The following DAB1 variants were observed in gnomAD, a reference collection of about 807,000 sequenced individuals.
The protein encoded by DAB1 is disabled homolog 1.
Under a neutral mutation model 64.6 loss-of-function variants are expected in DAB1, and 15 were observed. That is an observed-to-expected ratio of 0.23 (90% CI 0.16 to 0.36). DAB1 has a LOEUF of 0.36. Among genes scored for constraint, DAB1 ranks in the 10% least tolerant of loss-of-function variants. The pLI is 1.00. For synonymous variants in DAB1, 235 were observed against 251.9 expected (o/e 0.93, Z 0.64); for missense variants, 596 against 706.7 (o/e 0.84, Z 1.78).
At chr1:57,159,944 G>A (rs755397623) in intron 2 of DAB1, among the ~76,000 whole-genome samples, 13 of 150,738 alleles carry the variant, frequency 8.6e-5, no homozygotes, top group South Asian at 2.1e-4. Flanking sequence ...TCTTTCTGAC[G>A]TCCTCCCATG....
intron 14 of DAB1, among the ~76,000 whole-genome samples, chr1:57,009,554 C>T (rs1261255850): frequency 2.0e-5 from 3 of 152,100 alleles, no homozygotes; most frequent in Non-Finnish European, 4.4e-5. Flanking sequence ...CCTCAGAATC[C>T]ATTTATGAGG....
chr1:58,242,886 A>C (rs914436981), intron 4 of DAB1, among the ~76,000 whole-genome samples: 3 of 152,092 alleles, frequency 2.0e-5, no homozygotes, highest in Non-Finnish European at 4.4e-5. Context: ...CATATGGAGA[A>C]GCAGGAAAAA....
intron 4 of DAB1, among the ~76,000 whole-genome samples, chr1:58,201,252 G>C (rs1044613717): frequency 6.6e-6 from 1 of 152,028 alleles, no homozygotes; most frequent in Non-Finnish European, 1.5e-5. Flanking sequence ...TCCTGACCTC[G>C]TGATCTGCCT....
intron 4 of DAB1, among the ~76,000 whole-genome samples, chr1:58,220,612 T>A (rs1570501469): frequency 6.6e-6 from 1 of 152,186 alleles, no homozygotes; most frequent in Non-Finnish European, 1.5e-5. Flanking sequence ...GCAGTGGCTG[T>A]GGAGTCTCTG....
intron 5 of DAB1, among the ~76,000 whole-genome samples, chr1:58,100,869 CA>C (rs1372748061): frequency 6.6e-6 from 1 of 152,054 alleles, no homozygotes; most frequent in African/African-American, 2.4e-5. Flanking sequence ...TTCTTGAGGT[CA>C]AGGGTCCTAG....
intron 4 of DAB1, among the ~76,000 whole-genome samples, chr1:58,337,159 G>A (rs545749645): frequency 3.9e-5 from 6 of 151,980 alleles, no homozygotes; most frequent in South Asian, 2.1e-4. Flanking sequence ...ATGCGGGCCT[G>A]TAATCCCAAC....
At chr1:58,114,793 A>G (rs1433588355) in intron 5 of DAB1, among the ~76,000 whole-genome samples, 1 of 152,150 alleles carries the variant, frequency 6.6e-6, no homozygotes, top group East Asian at 1.9e-4. Flanking sequence ...CCCCTACAAT[A>G]AGCAAGGCTG....
chr1:57,333,898 A>G (rs1676876826), intron 1 of DAB1, among the ~76,000 whole-genome samples: 1 of 152,194 alleles, frequency 6.6e-6, no homozygotes, highest in South Asian at 2.1e-4. Flanking sequence ...AGAATCCATC[A>G]CTGTCATCAT....
chr1:58,351,386 C>T (rs1472444126), intron 3 of DAB1, among the ~76,000 whole-genome samples: 3 of 152,062 alleles, frequency 2.0e-5, no homozygotes, highest in East Asian at 3.9e-4. Context: ...TATCTCATGT[C>T]CTTCTCACTC....
At chr1:58,399,048 A>G (rs1230178082) in intron 3 of DAB1, among the ~76,000 whole-genome samples, 3 of 152,220 alleles carry the variant, frequency 2.0e-5, no homozygotes, top group Admixed American at 2.0e-4. Flanking sequence ...GGTGCCAGAA[A>G]TTGGAATTGT....
chr1:58,153,831 T>G (rs1217237050), intron 4 of DAB1, among the ~76,000 whole-genome samples: 1 of 148,918 alleles, frequency 6.7e-6, no homozygotes, highest in African/African-American at 2.5e-5. Flanking sequence ...TTCTCCTGAA[T>G]GGCCTCCACC....
intron 5 of DAB1, among the ~76,000 whole-genome samples, chr1:57,954,017 C>T (rs1352921605): frequency 1.3e-5 from 2 of 152,072 alleles, no homozygotes; most frequent in Non-Finnish European, 1.5e-5. Flanking sequence ...TCTCTAAAGC[C>T]CCCTTAGAAC....
intron 7 of DAB1, among the ~76,000 whole-genome samples, chr1:57,555,025 A>ATTTT (rs34370854): frequency 1.5e-5 from 1 of 68,448 alleles, no homozygotes; most frequent in African/African-American, 5.6e-5. Flanking sequence ...CGGTATCTCT[A>ATTTT]TTTTTTTTTT....
intron 4 of DAB1, among the ~76,000 whole-genome samples, chr1:58,300,629 AGAGAGAGAGAGAGAGAGAGGAAGGAAGG>A (rs1557726147): frequency 7.6e-4 from 45 of 59,322 alleles, no homozygotes; most frequent in Non-Finnish European, 1.1e-3. Context: ...AGAGAGAGAG[AGAGAGAGAGAGAGAGAGAGGAAGGAAGG>A]AAGGAAGGAA....
rs370100684 is a variant in DAB1, at chr1:58,118,469, CATATATATATATATATAT to C, written n.387+32024_387+32041del. 2.3e-4 allele frequency among the ~76,000 whole-genome samples: 5 copies of C among 22,050 alleles called. 1 individual carries two copies. The highest frequency in any genetic ancestry group is 2.2e-3 in the East Asian group (1 of 448). 14.5% of individuals were successfully genotyped at this position (22,050 alleles called of 152,430 possible). On this transcript the variant is annotated intron_variant and non_coding_transcript_variant, in intron 5 of 20. Coordinates refer to the DAB1 transcript ENST00000485760. ...CATGATGCCAGGCACTATCCTAAGGCATATATATATATATATATATATATATATATATATACACACACA... is the reference window on the plus strand; with the variant it reads ...CATGATGCCAGGCACTATCCTAAGGCATATATATATATATATACACACACA...
chr1:57,050,284 C>G (rs1292954762), intron 9 of DAB1, among the ~76,000 whole-genome samples: 1 of 152,194 alleles, frequency 6.6e-6, no homozygotes, highest in Non-Finnish European at 1.5e-5. Context: ...TGCCAAGCCA[C>G]CTGCCACAAG....
intron 5 of DAB1, among the ~76,000 whole-genome samples, chr1:57,910,345 T>C (rs552191192): frequency 3.3e-5 from 5 of 152,202 alleles, no homozygotes; most frequent in Non-Finnish European, 7.3e-5. Context: ...TACTGCAGAA[T>C]TGATTCTTCC....
Position 57,023,643 on chromosome 1 carries a change from C to A in DAB1, c.787-4G>T, listed in dbSNP as rs370042360. 2 of 1,592,682 alleles carry A rather than the reference C, an allele frequency of 1.3e-6. No homozygotes were observed. Among genetic ancestry groups the A allele is most frequent in the Admixed American group, 1.7e-5 (1 of 59,278 alleles). The stretch of plus-strand genomic sequence containing the variant: ...CATCACCTGGAGTTGCAGGAGTCTG[C>A]CAGACAGAGAGAGGCAGAGGACACA... On this transcript the variant is annotated splice_region_variant and splice_polypyrimidine_tract_variant and intron_variant, in intron 10 of 14. Coordinates refer to ENST00000371236, the MANE Select transcript of DAB1 (RefSeq NM_001365792.1).
chr1:57,725,650 C>G (rs1309735961), intron 6 of DAB1, among the ~76,000 whole-genome samples: 1 of 152,114 alleles, frequency 6.6e-6, no homozygotes, highest in Non-Finnish European at 1.5e-5. Context: ...AGTTCAGGGC[C>G]TAGCACTTGG....
Sources: gnomAD v4.1 joint callset for allele counts (sites outside exome capture counted in the v4.1 genomes callset) on GRCh38, gnomAD v4.1.1 for gene constraint, MANE v1.5 for transcripts, NCBI Gene and HGNC (gene_info 2026-07-23, HGNC 2026-07-21) for gene names.